The following UBR4 variants were observed in gnomAD, a reference collection of about 807,000 sequenced individuals.
UBR4 encodes the protein ubiquitin protein ligase E3 component n-recognin 4.
UBR4 carries 124 observed loss-of-function variants against 575.6 expected under a neutral mutation model. That is an observed-to-expected ratio of 0.22 (90% CI 0.19 to 0.25). UBR4 has a LOEUF of 0.25. Among genes scored for constraint, UBR4 ranks in the 10% least tolerant of loss-of-function variants. The probability of loss-of-function intolerance (pLI) is 1.00; values close to 1 mark genes in which losing one functional copy is unlikely to be tolerated. For synonymous variants in UBR4, 2,455 were observed against 2,473.7 expected (o/e 0.99, Z 0.22); for missense variants, 4,818 against 6,478.8 (o/e 0.74, Z 8.80).
Position 19,175,021 on chromosome 1 carries a change from T to C in UBR4, c.2786A>G (p.His929Arg). Residue 929 changes from histidine to arginine, a missense_variant, in exon 21 of 106, where the codon CAC becomes CGC. Transcript: ENST00000375254. ...GGACAGGACACAGTAGAATCTGGGG[T>C]GTGGGACAGCATCTGAAAAGTAATA... ...SKHFSSDAVPHPRFYCVLSPE... is the reference protein window; with the variant it reads ...SKHFSSDAVPRPRFYCVLSPE... The C allele has an allele frequency of 6.2e-7, 1 of 1,613,694 alleles. No individual in the cohort carries two copies. Among genetic ancestry groups the C allele is most frequent in the Non-Finnish European group, 8.5e-7 (1 of 1,179,820 alleles).
In UBR4 at chr1:19,197,196, G is replaced by C. The variant is rs2092509648; in HGVS notation, c.963C>G (p.Leu321=). 1.9e-6 allele frequency: 3 copies of C among 1,614,184 alleles called. No homozygotes were observed. In the East Asian group the frequency reaches 6.7e-5, roughly 36 times the overall value. ...TCACATCTTGTAGACGAGAAGGATT[G>C]AGAGGTTCCAACACAGGTAGAGAAA... is the stretch of plus-strand genomic sequence containing the variant. ...DTLSLPVLEP[L]NPSRLQDVTV... The change falls in exon 8 of 106, where the codon CTC becomes CTG. Residue 321 remains leucine, a synonymous_variant. Transcript: ENST00000375254.
At chr1:19,167,332 G>C in intron 28 of UBR4, 101 bp from the exon 29 acceptor site, 1 of 1,267,408 alleles carries the variant, frequency 7.9e-7, no homozygotes, top group Non-Finnish European at 1.1e-6. Flanking sequence ...AAGAGGGGAA[G>C]GGGAATTGCG....
In UBR4 at chr1:19,148,479, C is replaced by T. The variant is rs907682383; in HGVS notation, c.7494+84G>A. On this transcript the variant is annotated intron_variant, in intron 50 of 105. Coordinates refer to ENST00000375254, the MANE Select transcript of UBR4 (RefSeq NM_020765.3). ...TTATGCTACTATAAATGTTCTTTAG[C>T]TTCGAGGCCTCAGGGCCTCGGGCAA... is the stretch of plus-strand genomic sequence containing the variant. 3.3e-6 allele frequency: 5 copies of T among 1,497,200 alleles called. No homozygotes were observed. In the Admixed American group the frequency reaches 8.8e-5, roughly 26 times the overall value. The allele number at this position is 1,497,200 out of a possible 1,614,324, so 92.7% of individuals were successfully genotyped here.
At chr1:19,134,086 TAAA>T (rs71030132) in intron 60 of UBR4, among the ~76,000 whole-genome samples, 2 of 52,506 alleles carry the variant, frequency 3.8e-5, no homozygotes, top group Non-Finnish European at 3.1e-5. Context: ...ACTCTGTCTC[TAAA>T]AAAAAAAAAA....
chr1:19,128,373 G>GA, intron 61 of UBR4, 55 bp from the exon 62 acceptor site: 4 of 1,443,132 alleles, frequency 2.8e-6, no homozygotes, highest in Non-Finnish European at 3.9e-6. Flanking sequence ...AGAACGACTT[G>GA]AAATACGGGG....
Position 19,155,421 on chromosome 1 carries a change from A to T in UBR4, c.6300+20T>A. 1.2e-6 allele frequency: 2 copies of T among 1,601,198 alleles called. No individual in the cohort carries two copies. Among genetic ancestry groups the T allele is most frequent in the Admixed American group, 1.7e-5 (1 of 58,408 alleles). The stretch of plus-strand genomic sequence containing the variant: ...ATAATTAAATCCGGAATAGAAGGAA[A>T]TAGCAACATGTGCTCTAACCTTCAG... On this transcript the variant is annotated intron_variant, in intron 43 of 105. Transcript: ENST00000375254.
intron 77 of UBR4, chr1:19,113,160 T>G: frequency 5.9e-6 from 2 of 336,884 alleles, no homozygotes; most frequent in Admixed American, 4.6e-5. Context: ...AATACACGTG[T>G]AGCAAAGATG....
At chr1:19,142,372 G>A (rs780417850) in intron 55 of UBR4, among the ~76,000 whole-genome samples, 1 of 152,202 alleles carries the variant, frequency 6.6e-6, no homozygotes, top group Non-Finnish European at 1.5e-5. Context: ...GTCCAGGTGA[G>A]ACTCCTAATT....
rs142148172 is a variant in UBR4, at chr1:19,096,564, C to T, written c.13477G>A (p.Ala4493Thr). The change falls in exon 92 of 106, where the codon GCA becomes ACA. Residue 4493 changes from alanine to threonine, a missense_variant. Physicochemically the swap from Ala to Thr is moderately conservative, Grantham distance 58. Transcript: ENST00000375254. ...GGLECMLNRL[A>T]GIRDFKQGRH... ...CCCTGCTTGAAATCTCTGATCCCTG[C>T]GAGTCTGTTAAGCATGCATTCCAGG... 81 of 1,613,254 alleles carry T rather than the reference C, an allele frequency of 5.0e-5. No individual in the cohort carries two copies. The highest frequency in any genetic ancestry group is 4.0e-5 in the African/African-American group (3 of 74,792).
intron 81 of UBR4, 108 bp downstream of exon 81, chr1:19,109,988 G>A (rs2079659631): frequency 6.5e-7 from 1 of 1,529,378 alleles, no homozygotes; most frequent in African/African-American, 1.4e-5. Context: ...CTCAGGGGAG[G>A]TGGGCTCAAG....
intron 13 of UBR4, 81 bp from the exon 14 acceptor site, chr1:19,186,738 T>C: frequency 7.2e-7 from 1 of 1,391,636 alleles, no homozygotes; most frequent in Non-Finnish European, 1.0e-6. Context: ...ATAATCTCTT[T>C]TATTTTTTCC....
intron 1 of UBR4, 100 bp from the exon 2 acceptor site, chr1:19,201,915 T>TTG: frequency 1.0e-6 from 1 of 985,988 alleles, no homozygotes; most frequent in Non-Finnish European, 1.5e-6. Context: ...TACTACCTGG[T>TTG]AGATAGTATC....
intron 22 of UBR4, among the ~76,000 whole-genome samples, 187 bp from the exon 23 acceptor site, chr1:19,173,808 G>C (rs1196913813): frequency 6.6e-6 from 1 of 152,180 alleles, no homozygotes; most frequent in African/African-American, 2.4e-5. Context: ...GAAAATGGCA[G>C]AACACACATA....
chr1:19,207,536 C>T (rs1011543875), intron 1 of UBR4, among the ~76,000 whole-genome samples: 9 of 152,028 alleles, frequency 5.9e-5, no homozygotes, highest in Admixed American at 2.0e-4. Context: ...GGCTGAGGCA[C>T]GAGAATCACT....
rs778899688 is a variant in UBR4, at chr1:19,151,761, C to T, written c.7095G>A (p.Pro2365=). The T allele has an allele frequency of 5.5e-5, 88 of 1,614,042 alleles. No individual in the cohort carries two copies. The highest frequency in any genetic ancestry group is 6.8e-5 in the Non-Finnish European group (80 of 1,180,042). The change falls in exon 48 of 106, where the codon CCG becomes CCA. Residue 2365 remains proline (P), a synonymous_variant. Coordinates refer to ENST00000375254, the MANE Select transcript of UBR4 (RefSeq NM_020765.3). ...TTCTGCCGAAGATCTCGATATATGA[C>T]GGGGCCCGTTCTATTGCTTGAGTCC... is the stretch of plus-strand genomic sequence containing the variant. The part of the protein sequence containing the change: ...QIGTQAIERA[P]SYIEIFGRTM...
intron 53 of UBR4, 92 bp from the exon 54 acceptor site, chr1:19,144,999 T>G: frequency 1.4e-6 from 2 of 1,458,906 alleles, no homozygotes; most frequent in Non-Finnish European, 1.9e-6. Flanking sequence ...TTTATCTCCA[T>G]GTAAAAGGTC....
intron 93 of UBR4, 42 bp from the exon 94 acceptor site, chr1:19,095,067 C>T (rs2077895512): frequency 3.1e-6 from 5 of 1,613,668 alleles, no homozygotes; most frequent in Admixed American, 3.3e-5. Context: ...AATAAGACCA[C>T]AGCCACTAAC....
At chr1:19,129,218 A>C in intron 60 of UBR4, 144 bp from the exon 61 acceptor site, 1 of 645,076 alleles carries the variant, frequency 1.6e-6, no homozygotes, top group Non-Finnish European at 2.7e-6. Context: ...TTAAAAAAAA[A>C]AGTTAAGAAC....
intron 48 of UBR4, 100 bp downstream of exon 48, chr1:19,151,541 CAG>C: frequency 7.9e-7 from 1 of 1,259,750 alleles, no homozygotes; most frequent in Non-Finnish European, 1.2e-6. Context: ...GAAAAATCAG[CAG>C]AGTGGAGAGA....
Sources: allele counts gnomAD v4.1 joint callset (sites outside exome capture counted in the v4.1 genomes callset), GRCh38; gene constraint gnomAD v4.1.1; transcripts MANE v1.5; gene names NCBI Gene and HGNC (gene_info 2026-07-23, HGNC 2026-07-21).